Variants in KIAA1328 observed in about 807,000 individuals in gnomAD.
The protein encoded by KIAA1328 is KIAA1328.
A neutral mutation model predicts 68.1 loss-of-function variants in KIAA1328; 52 were observed. That is an observed-to-expected ratio of 0.76 (90% CI 0.61 to 0.96). KIAA1328 has a LOEUF of 0.96. KIAA1328 is among the 40% of genes least tolerant of loss of function. The pLI is 0.00. For missense variants in KIAA1328, 641 were observed against 677.6 expected, an observed-to-expected ratio of 0.95 and a Z score of 0.60; for synonymous variants, 232 against 239.4, an observed-to-expected ratio of 0.97 and a Z score of 0.28.
chr18:37,052,771 C>A (rs2055751336), intron 6 of KIAA1328, among the ~76,000 whole-genome samples: 1 of 151,994 alleles, frequency 6.6e-6, no homozygotes, highest in Non-Finnish European at 1.5e-5. Context: ...AAATGAAATA[C>A]CTAGGAATAC....
At chr18:37,168,560 T>C (rs1221714381) in intron 8 of KIAA1328, among the ~76,000 whole-genome samples, 2 of 152,208 alleles carry the variant, frequency 1.3e-5, no homozygotes, top group African/African-American at 4.8e-5. Flanking sequence ...ATAAAAATTA[T>C]CAGCATAGGT....
intron 4 of KIAA1328, among the ~76,000 whole-genome samples, chr18:36,863,613 G>A (rs191791212): frequency 6.6e-6 from 1 of 152,064 alleles, no homozygotes; most frequent in South Asian, 2.1e-4. Flanking sequence ...GGGAAGAATC[G>A]CTGCCTTTGC....
At chr18:37,206,174 G>T (rs1014216135) in intron 9 of KIAA1328, among the ~76,000 whole-genome samples, 1 of 152,088 alleles carries the variant, frequency 6.6e-6, no homozygotes, top group Non-Finnish European at 1.5e-5. Context: ...GGAGCCAAGG[G>T]AACAAGCAGA....
chr18:37,103,218 G>C (rs990978276), intron 7 of KIAA1328, among the ~76,000 whole-genome samples: 1 of 152,044 alleles, frequency 6.6e-6, no homozygotes, highest in South Asian at 2.1e-4. Flanking sequence ...AAGCAATACC[G>C]AGCAAAAGGT....
intron 6 of KIAA1328, among the ~76,000 whole-genome samples, chr18:36,966,021 G>C (rs184548206): frequency 6.6e-6 from 1 of 151,864 alleles, no homozygotes; most frequent in Admixed American, 6.6e-5. Flanking sequence ...TCCTTGCTAG[G>C]CCTGCCATGG....
intron 9 of KIAA1328, among the ~76,000 whole-genome samples, chr18:37,194,066 G>T (rs1345629569): frequency 6.6e-6 from 1 of 152,182 alleles, no homozygotes; most frequent in Non-Finnish European, 1.5e-5. Context: ...TGCAAACACT[G>T]CTGCAATGAA....
chr18:37,210,380 T>A (rs996748694), intron 9 of KIAA1328, among the ~76,000 whole-genome samples: 3 of 152,164 alleles, frequency 2.0e-5, no homozygotes, highest in African/African-American at 7.2e-5. Flanking sequence ...GCATAGCAGA[T>A]CAGATAAGCC....
At chr18:36,864,875 G>A (rs965986012) in intron 4 of KIAA1328, among the ~76,000 whole-genome samples, 2 of 151,740 alleles carry the variant, frequency 1.3e-5, no homozygotes, top group African/African-American at 4.8e-5. Context: ...TTTTTTTAAA[G>A]CTAATTTTTA....
intron 5 of KIAA1328, among the ~76,000 whole-genome samples, chr18:36,935,630 T>C (rs1355751134): frequency 6.6e-6 from 1 of 152,178 alleles, no homozygotes; most frequent in Non-Finnish European, 1.5e-5. Context: ...GATCCTTTCA[T>C]AGTATTCTTC....
intron 6 of KIAA1328, among the ~76,000 whole-genome samples, chr18:37,061,238 C>T (rs1484453277): frequency 1.3e-5 from 2 of 152,184 alleles, no homozygotes; most frequent in Non-Finnish European, 2.9e-5. Flanking sequence ...AAAAGAGTGA[C>T]ATACTCTATG....
intron 5 of KIAA1328, among the ~76,000 whole-genome samples, chr18:36,945,940 A>AT (rs1278945045): frequency 7.9e-5 from 12 of 152,096 alleles, no homozygotes; most frequent in Admixed American, 7.9e-4. Flanking sequence ...CAGATTTTGG[A>AT]TTTTTTTAGA....
At chr18:37,107,488 G>C (rs750552894) in intron 7 of KIAA1328, among the ~76,000 whole-genome samples, 2 of 152,160 alleles carry the variant, frequency 1.3e-5, no homozygotes, top group Non-Finnish European at 2.9e-5. Context: ...TCCAGCCCAT[G>C]AGCATAGAAT....
At chr18:36,925,498 A>G (rs1043719915) in intron 5 of KIAA1328, among the ~76,000 whole-genome samples, 2 of 152,046 alleles carry the variant, frequency 1.3e-5, no homozygotes, top group African/African-American at 4.8e-5. Context: ...TGTTGAAACT[A>G]ATTACATTAG....
At chr18:37,158,128 G>A (rs1451713737) in intron 7 of KIAA1328, among the ~76,000 whole-genome samples, 1 of 151,820 alleles carries the variant, frequency 6.6e-6, no homozygotes, top group Non-Finnish European at 1.5e-5. Context: ...AAACTCCTGG[G>A]CTCAAGCTAT....
chr18:37,071,942 A>G (rs538586367), intron 7 of KIAA1328, among the ~76,000 whole-genome samples: 1 of 152,346 alleles, frequency 6.6e-6, no homozygotes, highest in South Asian at 2.1e-4. Flanking sequence ...TGAACAACAG[A>G]AATAGACTAA....
At chr18:37,067,645 C>A (rs1293029551) in intron 7 of KIAA1328, 100 bp downstream of exon 7, 1 of 1,254,442 alleles carries the variant, frequency 8.0e-7, no homozygotes, top group Admixed American at 2.9e-5. Context: ...ACTGCAGCCT[C>A]CGCCTCCCGA....
At chr18:37,080,775 G>T (rs2056922655) in intron 7 of KIAA1328, among the ~76,000 whole-genome samples, 1 of 146,882 alleles carries the variant, frequency 6.8e-6, no homozygotes, top group Non-Finnish European at 1.5e-5. Flanking sequence ...GCGAGACTCT[G>T]TCTGAAAAAA....
At chr18:36,965,555 G>A (rs1461045593) in intron 6 of KIAA1328, among the ~76,000 whole-genome samples, 1 of 144,180 alleles carries the variant, frequency 6.9e-6, no homozygotes, top group African/African-American at 2.5e-5. Context: ...ATTTTTAGTA[G>A]AGACGGGGTT....
At chr18:36,854,168 C>T (rs779684347) in intron 4 of KIAA1328, among the ~76,000 whole-genome samples, 3 of 152,092 alleles carry the variant, frequency 2.0e-5, no homozygotes, top group East Asian at 1.9e-4. Flanking sequence ...TGCATGCATA[C>T]GGTGGAAAGA....
Sources: gnomAD v4.1 joint callset for allele counts (sites outside exome capture counted in the v4.1 genomes callset) on GRCh38, gnomAD v4.1.1 for gene constraint, MANE v1.5 for transcripts, NCBI Gene and HGNC (gene_info 2026-07-23, HGNC 2026-07-21) for gene names.